PAK5: variants seen among roughly 807,000 people sequenced by gnomAD.
PAK5 encodes serine/threonine-protein kinase PAK 5.
In PAK5, 16 loss-of-function variants were observed where a neutral mutation model predicts 65.9. That is an observed-to-expected ratio of 0.24 (90% confidence interval 0.16 to 0.37). The LOEUF is 0.37. Among genes scored for constraint, PAK5 ranks in the 10% least tolerant of loss-of-function variants. The probability of loss-of-function intolerance (pLI) is 1.00; values close to 1 mark genes in which losing one functional copy is unlikely to be tolerated. For missense variants in PAK5, 785 were observed against 903.9 expected, an observed-to-expected ratio of 0.87 and a Z score of 1.69; for synonymous variants, 371 against 354.9, an observed-to-expected ratio of 1.05 and a Z score of -0.51.
chr20:9,570,385 C>T (rs927128909), intron 4 of PAK5, among the ~76,000 whole-genome samples: 3 of 152,056 alleles, frequency 2.0e-5, no homozygotes, highest in Non-Finnish European at 4.4e-5. Flanking sequence ...ATATATTGAA[C>T]AATGTATAGT....
At chr20:9,583,052 A>C (rs543541200) in intron 3 of PAK5, among the ~76,000 whole-genome samples, 1 of 152,136 alleles carries the variant, frequency 6.6e-6, no homozygotes, top group African/African-American at 2.4e-5. Context: ...AAGGAACGCT[A>C]ATAGTATTAG....
chr20:9,604,877 G>A (rs60032639), intron 3 of PAK5, among the ~76,000 whole-genome samples: 11,519 of 152,206 alleles, frequency 0.076, 843 homozygotes, highest in African/African-American at 0.19. Flanking sequence ...TCACTGGGGC[G>A]TTATCTGGGA....
intron 1 of PAK5, among the ~76,000 whole-genome samples, chr20:9,830,381 A>G (rs118148122): frequency 0.011 from 1,623 of 152,348 alleles, 16 homozygotes; most frequent in Non-Finnish European, 0.018. Flanking sequence ...AACTGCAGTA[A>G]GAATATGCAC....
At chr20:9,832,379 T>C (rs1411477200) in intron 1 of PAK5, among the ~76,000 whole-genome samples, 1 of 152,106 alleles carries the variant, frequency 6.6e-6, no homozygotes, top group Non-Finnish European at 1.5e-5. Context: ...TTCAAGTGAT[T>C]CTCTTGCCTC....
intron 2 of PAK5, among the ~76,000 whole-genome samples, chr20:9,659,507 C>T (rs955089889): frequency 6.6e-6 from 1 of 152,140 alleles, no homozygotes; most frequent in Non-Finnish European, 1.5e-5. Flanking sequence ...CAGAGCTGTA[C>T]GTTTTCTTAA....
chr20:9,644,209 G>C lies in PAK5; in HGVS notation c.120C>G (p.His40Gln). 6.2e-7 allele frequency: 1 copy of C among 1,610,152 alleles called. No homozygotes were observed. The highest frequency in any genetic ancestry group is 8.5e-7 in the Non-Finnish European group (1 of 1,178,546). ...QKFTGLPQQWHSLLADTANRP... is the reference protein window; with the variant it reads ...QKFTGLPQQWQSLLADTANRP... Reference sequence around the variant, plus strand: ...TGTTGGCCGTATCTGCTAACAGGCTGTGCCACTGCTGGGGAAGGCCGGTAA... The same window carrying C: ...TGTTGGCCGTATCTGCTAACAGGCTCTGCCACTGCTGGGGAAGGCCGGTAA... The change falls in exon 3 of 10, where the codon CAC becomes CAG. Residue 40 changes from histidine to glutamine, a missense_variant. Coordinates refer to ENST00000353224, the MANE Select transcript of PAK5 (RefSeq NM_177990.4).
chr20:9,792,407 G>A (rs6056880), intron 1 of PAK5, among the ~76,000 whole-genome samples: 2,061 of 152,184 alleles, frequency 0.014, 50 homozygotes, highest in African/African-American at 0.041. Flanking sequence ...AGTCATAATC[G>A]TTCTACAACA....
chr20:9,674,436 G>A (rs1292822864), intron 2 of PAK5, among the ~76,000 whole-genome samples: 1 of 152,160 alleles, frequency 6.6e-6, no homozygotes, highest in East Asian at 1.9e-4. Context: ...TACGATACAA[G>A]CTTTCTTATA....
intron 6 of PAK5, among the ~76,000 whole-genome samples, chr20:9,558,211 A>G (rs2045540709): frequency 6.6e-6 from 1 of 151,922 alleles, no homozygotes; most frequent in South Asian, 2.1e-4. Context: ...CCTGGGTCCA[A>G]GTGATTCTCT....
chr20:9,604,694 T>G (rs2123120467), intron 3 of PAK5, among the ~76,000 whole-genome samples: 1 of 152,334 alleles, frequency 6.6e-6, no homozygotes, highest in Admixed American at 6.5e-5. Context: ...CTTGATCTGC[T>G]TTGTCCCTTT....
At chr20:9,773,955 A>G in intron 1 of PAK5, among the ~76,000 whole-genome samples, 1 of 152,202 alleles carries the variant, frequency 6.6e-6, no homozygotes, top group African/African-American at 2.4e-5. Flanking sequence ...TACTGGACAG[A>G]GCACTGGACA....
At chr20:9,762,605 A>T (rs1270811646) in intron 1 of PAK5, among the ~76,000 whole-genome samples, 2 of 152,172 alleles carry the variant, frequency 1.3e-5, no homozygotes, top group Admixed American at 6.6e-5. Flanking sequence ...ATTATCAAAA[A>T]GACAACAAAT....
At chr20:9,557,836 G>A in intron 6 of PAK5, 102 bp from the exon 7 acceptor site, 1 of 811,668 alleles carries the variant, frequency 1.2e-6, no homozygotes, top group South Asian at 2.1e-5. Flanking sequence ...CAGTCCACGT[G>A]CTCCAGCCCA....
intron 1 of PAK5, among the ~76,000 whole-genome samples, chr20:9,721,023 T>C (rs1379586913): frequency 1.3e-5 from 2 of 152,158 alleles, no homozygotes; most frequent in African/African-American, 2.4e-5. Flanking sequence ...TGGAATTAGA[T>C]AGAGGTGGTA....
intron 6 of PAK5, among the ~76,000 whole-genome samples, chr20:9,559,816 A>G (rs2045565756): frequency 6.6e-6 from 1 of 152,074 alleles, no homozygotes; most frequent in Non-Finnish European, 1.5e-5. Flanking sequence ...ATACAAAGGC[A>G]GGTGACAAGA....
At chr20:9,816,688 A>G (rs1176330190) in intron 1 of PAK5, among the ~76,000 whole-genome samples, 1 of 152,102 alleles carries the variant, frequency 6.6e-6, no homozygotes, top group African/African-American at 2.4e-5. Context: ...TGAACCCCAC[A>G]ACTGGCTTGA....
intron 1 of PAK5, among the ~76,000 whole-genome samples, chr20:9,825,942 G>A (rs147523162): frequency 6.6e-6 from 1 of 152,188 alleles, no homozygotes; most frequent in East Asian, 1.9e-4. Flanking sequence ...AAATTCAAAG[G>A]TTATACATTC....
chr20:9,551,093 A>T (rs6056693), intron 7 of PAK5, among the ~76,000 whole-genome samples: 69,160 of 151,980 alleles, frequency 0.46, 19,437 homozygotes, highest in African/African-American at 0.8. Flanking sequence ...TTTGCATGAT[A>T]CTTTAATCAT....
chr20:9,779,073 A>G (rs563184294), intron 1 of PAK5, among the ~76,000 whole-genome samples: 2 of 152,220 alleles, frequency 1.3e-5, no homozygotes, highest in East Asian at 3.9e-4. Flanking sequence ...AACAGTGCCT[A>G]GTACAGCATC....
Sources: gnomAD v4.1 joint callset for allele counts (sites outside exome capture counted in the v4.1 genomes callset) on GRCh38, gnomAD v4.1.1 for gene constraint, MANE v1.5 for transcripts, NCBI Gene and HGNC (gene_info 2026-07-23, HGNC 2026-07-21) for gene names.